RASSF6: variants seen among roughly 807,000 people sequenced by gnomAD.
RASSF6 encodes the protein ras association domain-containing protein 6.
RASSF6 carries 52 observed loss-of-function variants against 44.0 expected under a neutral mutation model. The ratio of observed to expected loss-of-function variants is 1.18; its 90% CI spans 0.95 to 1.49. The LOEUF (loss-of-function observed/expected upper bound fraction) is 1.49. Among genes scored for constraint, RASSF6 ranks in the 40% most tolerant of loss-of-function variants. The pLI is 0.00. For synonymous variants in RASSF6, 162 were observed against 124.6 expected (o/e 1.30, Z -2.00); for missense variants, 464 against 393.3 (o/e 1.18, Z -1.52).
chr4:73,609,692 T>G (rs1369423368), intron 2 of RASSF6, among the ~76,000 whole-genome samples: 3 of 152,146 alleles, frequency 2.0e-5, no homozygotes, highest in African/African-American at 7.2e-5. Flanking sequence ...CAACAATGCC[T>G]AGTAAAGAGA....
intron 5 of RASSF6, among the ~76,000 whole-genome samples, chr4:73,585,836 AT>A (rs1282777208): frequency 1.3e-5 from 2 of 151,220 alleles, no homozygotes; most frequent in African/African-American, 4.9e-5. Flanking sequence ...TTTTATTTTT[AT>A]TTTATTATTA....
At position 73,585,248 on chromosome 4, in the gene RASSF6, G is replaced by A; in HGVS notation, c.499C>T (p.Leu167=). The change falls in exon 6 of 11, where the codon CTG becomes TTG. Residue 167 remains leucine, a synonymous_variant. Transcript: ENST00000307439. The stretch of plus-strand genomic sequence containing the variant: ...TGTCTTTCTTTTCTGTCCATCATCA[G>A]AGGCTTCATCCTTTTTCTCACCAGA... ...AALVRKRMKP[L]MMDRKERQKN... The A allele has an allele frequency of 5.6e-6, 9 of 1,612,774 alleles. No homozygotes were observed. Among genetic ancestry groups the A allele is most frequent in the Non-Finnish European group, 7.6e-6 (9 of 1,179,190 alleles).
intron 1 of RASSF6, among the ~76,000 whole-genome samples, chr4:73,617,763 A>G (rs1726454312): frequency 6.6e-6 from 1 of 152,240 alleles, no homozygotes; most frequent in Non-Finnish European, 1.5e-5. Context: ...ATAATTTATC[A>G]TTTTAAACAT....
intron 4 of RASSF6, 109 bp from the exon 5 acceptor site, chr4:73,588,043 G>T (rs1724239095): frequency 1.2e-5 from 7 of 585,098 alleles, no homozygotes; most frequent in Admixed American, 2.8e-5. Flanking sequence ...CTCTGTAGGT[G>T]GATATATTGT....
chr4:73,593,220 T>C (rs944086320), intron 4 of RASSF6, among the ~76,000 whole-genome samples: 1 of 152,146 alleles, frequency 6.6e-6, no homozygotes, highest in Non-Finnish European at 1.5e-5. Flanking sequence ...TTCATCATGT[T>C]GGCCAGGCTG....
chr4:73,576,664 C>A lies in RASSF6; in HGVS notation c.789G>T (p.Lys263Asn). 1 of 1,613,798 alleles carries A rather than the reference C, an allele frequency of 6.2e-7. No individual in the cohort carries two copies. The highest frequency in any genetic ancestry group is 1.3e-5 in the African/African-American group (1 of 75,018). ...TATCCATGAGGAAAATGCGAGCATT[C>A]TTTTCAGAAGGTCCCTGTAGGAGCC... ...LQRLLQGPSE[K>N]NARIFLMDKD... Residue 263 changes from lysine (K) to asparagine (N), a missense_variant, in exon 9 of 11, where the codon AAG (lysine) becomes AAT (asparagine). By Grantham distance (94) the Lys-to-Asn change is moderately conservative (BLOSUM62 0). Transcript: ENST00000307439.
intron 4 of RASSF6, among the ~76,000 whole-genome samples, chr4:73,589,803 A>T: frequency 6.6e-6 from 1 of 152,162 alleles, no homozygotes; most frequent in East Asian, 1.9e-4. Flanking sequence ...CAGGATGTAT[A>T]TCATTTGCAA....
At chr4:73,579,849 T>G (rs1232295738) in intron 8 of RASSF6, among the ~76,000 whole-genome samples, 1 of 151,820 alleles carries the variant, frequency 6.6e-6, no homozygotes, top group East Asian at 1.9e-4. Context: ...TTCCAAAAAA[T>G]AGATCTTTAT....
chr4:73,591,822 C>G (rs780907125), intron 4 of RASSF6, among the ~76,000 whole-genome samples: 5 of 152,048 alleles, frequency 3.3e-5, no homozygotes, highest in African/African-American at 9.7e-5. Flanking sequence ...GTTTGAATCT[C>G]CTCTTTGTGC....
chr4:73,597,096 T>C (rs1349390921), intron 3 of RASSF6, among the ~76,000 whole-genome samples: 2 of 152,106 alleles, frequency 1.3e-5, no homozygotes, highest in Non-Finnish European at 2.9e-5. Flanking sequence ...CAAAAGCAAT[T>C]GCAACAAAAC....
At position 73,598,724 on chromosome 4, in the gene RASSF6, AAT is replaced by A; in HGVS notation, c.66-8_66-7del. The A allele has an allele frequency of 1.8e-6, 2 of 1,131,838 alleles. No individual in the cohort carries two copies. The highest frequency in any genetic ancestry group is 2.4e-6 in the Non-Finnish European group (2 of 843,182). 70.1% of individuals were successfully genotyped at this position (1,131,838 alleles called of 1,614,324 possible). On this transcript the variant is annotated splice_polypyrimidine_tract_variant and splice_region_variant and intron_variant, in intron 2 of 10. Transcript: ENST00000307439. ...ATAAAGAATTAAGTTGTTCCCTAAA[AAT>A]AAAAAAAAATTAATTACAATCAGTC...
At chr4:73,610,053 T>G (rs1725901749) in intron 2 of RASSF6, among the ~76,000 whole-genome samples, 1 of 152,192 alleles carries the variant, frequency 6.6e-6, no homozygotes, top group Non-Finnish European at 1.5e-5. Flanking sequence ...CAATCTCAAA[T>G]GTAATGTGTC....
At position 73,575,903 on chromosome 4, in the gene RASSF6, T is replaced by G. The variant is rs1560435180; in HGVS notation, c.*332A>C. On this transcript the variant is annotated 3_prime_UTR_variant, in exon 11 of 11. Coordinates refer to ENST00000307439, the MANE Select transcript of RASSF6 (RefSeq NM_177532.5). ...TCCATTGATTATGTTTCAGTTCTCTTGAGAGTCCAAGCTAAATGAAGTTTA... is the reference window on the plus strand; with the variant it reads ...TCCATTGATTATGTTTCAGTTCTCTGGAGAGTCCAAGCTAAATGAAGTTTA... 5.7e-6 allele frequency: 1 copy of G among 175,072 alleles called. No homozygotes were observed. Among genetic ancestry groups the G allele is most frequent in the Non-Finnish European group, 1.2e-5 (1 of 83,906 alleles). 10.8% of individuals were successfully genotyped at this position (175,072 alleles called of 1,614,324 possible). A position where few individuals can be genotyped will look rare whatever the true frequency, so the allele number is the denominator to read the frequency against.
chr4:73,593,658 C>T (rs372335786), intron 3 of RASSF6, 65 bp from the exon 4 acceptor site: 18 of 1,503,812 alleles, frequency 1.2e-5, no homozygotes, highest in Middle Eastern at 1.9e-4. Flanking sequence ...AATGTTTTAA[C>T]GAAGATGTAG....
chr4:73,620,479 C>T (rs776697193), upstream of RASSF6: 6 of 1,546,346 alleles, frequency 3.9e-6, no homozygotes, highest in Non-Finnish European at 5.2e-6. Flanking sequence ...GCAGGGGCGG[C>T]GCCTGTCTCC....
chr4:73,607,606 C>T (rs1478373506), intron 2 of RASSF6, among the ~76,000 whole-genome samples: 1 of 152,160 alleles, frequency 6.6e-6, no homozygotes, highest in African/African-American at 2.4e-5. Flanking sequence ...ATGTGGATCT[C>T]AAAGTGTGAT....
rs1383335408 is a variant in RASSF6 at position 73,576,257 on chromosome 4, A to T, written c.992T>A (p.Ile331Lys). The change falls in exon 11 of 11, where the codon ATA becomes AAA. Residue 331 changes from isoleucine to lysine, a missense_variant. Coordinates refer to ENST00000307439, the MANE Select transcript of RASSF6 (RefSeq NM_177532.5). ...ILKCLQNKLV[I>K]KTETTV ...CTGCTAAACTGTTGTCTCTGTTTTT[A>T]TTACTAGTTTATTTTGAAGACATTT... is the stretch of plus-strand genomic sequence containing the variant. The T allele has an allele frequency of 3.9e-6, 6 of 1,558,040 alleles. No individual in the cohort carries two copies. Among genetic ancestry groups the T allele is most frequent in the Non-Finnish European group, 5.3e-6 (6 of 1,134,304 alleles).
At chr4:73,618,563 A>T (rs1269380553) in intron 1 of RASSF6, among the ~76,000 whole-genome samples, 2 of 152,146 alleles carry the variant, frequency 1.3e-5, no homozygotes, top group Non-Finnish European at 2.9e-5. Flanking sequence ...TGGAACCCTA[A>T]CTTATTCTAA....
At chr4:73,617,213 C>T (rs1382799484) in intron 1 of RASSF6, among the ~76,000 whole-genome samples, 3 of 152,190 alleles carry the variant, frequency 2.0e-5, no homozygotes, top group Non-Finnish European at 4.4e-5. Flanking sequence ...AAACACACTT[C>T]TATGTGAGCA....
Sources: allele counts gnomAD v4.1 joint callset (sites outside exome capture counted in the v4.1 genomes callset), GRCh38; gene constraint gnomAD v4.1.1; transcripts MANE v1.5; gene names NCBI Gene and HGNC (gene_info 2026-07-23, HGNC 2026-07-21).